Variants in EYS observed in about 807,000 individuals in gnomAD.
The protein encoded by EYS is EGF-like photoreceptor maintenance factor, also known as protein eyes shut homolog.
Under a neutral mutation model 282.1 loss-of-function variants are expected in EYS, and 250 were observed. That is an observed-to-expected ratio of 0.89 (90% CI 0.80 to 0.98). The LOEUF is 0.98. Among genes scored for constraint, EYS ranks in the 50% least tolerant of loss-of-function variants. The pLI, the probability that EYS is intolerant of heterozygous loss-of-function variation, is 0.00. For missense variants in EYS, 4,016 were observed against 3,709.0 expected (o/e 1.08, Z -2.15); for synonymous variants, 1,355 against 1,282.9 (o/e 1.06, Z -1.20).
chr6:64,946,651 CTG>C (rs932411941), intron 14 of EYS, among the ~76,000 whole-genome samples: 2 of 151,882 alleles, frequency 1.3e-5, no homozygotes, highest in African/African-American at 4.8e-5. Flanking sequence ...TCAATGTTAA[CTG>C]TTATTTAAAT....
intron 35 of EYS, among the ~76,000 whole-genome samples, chr6:63,940,891 T>C (rs1358807296): frequency 1.4e-5 from 2 of 138,126 alleles, no homozygotes; most frequent in African/African-American, 2.7e-5. Flanking sequence ...TGTCCAAGTG[T>C]TCTCATTGTT....
At chr6:64,839,435 T>A (rs1023942035) in intron 19 of EYS, among the ~76,000 whole-genome samples, 6 of 152,060 alleles carry the variant, frequency 3.9e-5, no homozygotes, top group Non-Finnish European at 8.8e-5. Flanking sequence ...CAGTGTTCCT[T>A]TATAGTACAA....
intron 22 of EYS, among the ~76,000 whole-genome samples, chr6:64,692,631 G>T (rs2149916058): frequency 6.6e-6 from 1 of 152,164 alleles, no homozygotes; most frequent in African/African-American, 2.4e-5. Flanking sequence ...TTTGACTCAT[G>T]ATTTAAAAGA....
chr6:64,541,527 C>T (rs2149799283), intron 26 of EYS, among the ~76,000 whole-genome samples: 1 of 152,224 alleles, frequency 6.6e-6, no homozygotes. Context: ...GTTAGGAATT[C>T]CTTCCTCTCT....
chr6:65,633,238 TCAC>T, intron 2 of EYS, among the ~76,000 whole-genome samples: 1 of 152,324 alleles, frequency 6.6e-6, no homozygotes, highest in Non-Finnish European at 1.5e-5. Context: ...CACTTTGCTC[TCAC>T]CACTTTTCTA....
chr6:64,799,232 C>T (rs1774458342), intron 22 of EYS, among the ~76,000 whole-genome samples: 1 of 151,798 alleles, frequency 6.6e-6, no homozygotes, highest in Non-Finnish European at 1.5e-5. Flanking sequence ...TCCTTGTAAT[C>T]CATCAAATCT....
At chr6:64,983,208 A>AT (rs1460839508) in intron 14 of EYS, among the ~76,000 whole-genome samples, 1 of 151,224 alleles carries the variant, frequency 6.6e-6, no homozygotes, top group Admixed American at 6.6e-5. Flanking sequence ...CTATGGGCAA[A>AT]ATGTCAACAG....
At position 64,174,822 on chromosome 6, in the gene EYS, T is replaced by A. The variant is rs72648309; in HGVS notation, c.6424+55770A>T. Among the ~76,000 whole-genome samples, 119 of 152,138 alleles carry A rather than the reference T, an allele frequency of 7.8e-4. 1 individual carries two copies. The East Asian group carries it at 0.018, about 23-fold the overall frequency. On this transcript the variant is annotated intron_variant, in intron 31 of 42. Transcript: ENST00000503581. Reference sequence around the variant, plus strand: ...CAATTCATGTCTTGATCATATTTGTTTAGATGGATAAAACCACTTAAGAAA... The same window carrying A: ...CAATTCATGTCTTGATCATATTTGTATAGATGGATAAAACCACTTAAGAAA...
intron 18 of EYS, among the ~76,000 whole-genome samples, chr6:64,899,497 G>A (rs765194773): frequency 3.9e-5 from 6 of 152,142 alleles, no homozygotes; most frequent in African/African-American, 9.7e-5. Context: ...TCCTTAAGCT[G>A]ATGAGCAACT....
intron 12 of EYS, among the ~76,000 whole-genome samples, chr6:65,189,189 C>T (rs564736788): frequency 3.1e-4 from 47 of 151,462 alleles, no homozygotes; most frequent in African/African-American, 1.1e-3. Flanking sequence ...TAGTAATTTG[C>T]AATAATGTAT....
chr6:64,410,416 G>A (rs1773850856), intron 28 of EYS, among the ~76,000 whole-genome samples: 1 of 152,078 alleles, frequency 6.6e-6, no homozygotes. Flanking sequence ...TCACTATTGG[G>A]AATCTTCATG....
chr6:64,365,797 T>G (rs1418332653), intron 29 of EYS, among the ~76,000 whole-genome samples: 3 of 152,020 alleles, frequency 2.0e-5, no homozygotes, highest in Non-Finnish European at 4.4e-5. Context: ...AAGAATTACA[T>G]GAATGTCATC....
At chr6:63,917,817 T>C (rs754271264) in intron 35 of EYS, among the ~76,000 whole-genome samples, 4 of 152,222 alleles carry the variant, frequency 2.6e-5, no homozygotes, top group African/African-American at 4.8e-5. Context: ...CGATTTACTT[T>C]AATGAGCCTT....
chr6:64,377,960 A>G (rs1184299355), intron 29 of EYS: 1 of 152,138 alleles, frequency 6.6e-6, no homozygotes, highest in East Asian at 1.9e-4. Flanking sequence ...GGGTTGTTGT[A>G]AGGATTAAAT....
At chr6:64,419,772 C>T (rs187767720) in intron 28 of EYS, among the ~76,000 whole-genome samples, 1 of 152,232 alleles carries the variant, frequency 6.6e-6, no homozygotes, top group Non-Finnish European at 1.5e-5. Context: ...GCCCCTGTGG[C>T]TTTGCAGGGT....
At chr6:65,128,235 T>C (rs1222300736) in intron 12 of EYS, among the ~76,000 whole-genome samples, 1 of 151,850 alleles carries the variant, frequency 6.6e-6, no homozygotes, top group Non-Finnish European at 1.5e-5. Context: ...AAAATAAATA[T>C]TAACAGAAAG....
chr6:64,442,044 C>G (rs141322300), intron 26 of EYS, among the ~76,000 whole-genome samples: 1 of 152,084 alleles, frequency 6.6e-6, no homozygotes, highest in Admixed American at 6.6e-5. Context: ...CAGAAGAAGA[C>G]AGGAAAATGT....
At chr6:64,855,682 T>G (rs1766037766) in intron 19 of EYS, among the ~76,000 whole-genome samples, 1 of 152,154 alleles carries the variant, frequency 6.6e-6, no homozygotes, top group Admixed American at 6.6e-5. Context: ...TGTATAGTTG[T>G]TTGGGTTTTC....
chr6:64,273,868 AC>A (rs1344512934), intron 30 of EYS, among the ~76,000 whole-genome samples: 8 of 152,068 alleles, frequency 5.3e-5, no homozygotes, highest in Admixed American at 5.2e-4. Flanking sequence ...AAGTTATTAA[AC>A]CTTCAAGTCT....
Sources: allele counts gnomAD v4.1 joint callset (sites outside exome capture counted in the v4.1 genomes callset), GRCh38; gene constraint gnomAD v4.1.1; transcripts MANE v1.5; gene names NCBI Gene and HGNC (gene_info 2026-07-23, HGNC 2026-07-21).